The following XPO4 variants were observed in gnomAD, a reference collection of about 807,000 sequenced individuals.
XPO4 encodes the protein exportin 4.
Under a neutral mutation model 143.0 loss-of-function variants are expected in XPO4, and 39 were observed. The ratio of observed to expected loss-of-function variants is 0.27; its 90% CI spans 0.21 to 0.36. The LOEUF (loss-of-function observed/expected upper bound fraction) is 0.36, where lower values mean the gene tolerates loss of function less well. Ranked by LOEUF, XPO4 falls within the 10% of genes least tolerant of loss-of-function variation. XPO4 has a pLI of 1.00. For synonymous variants in XPO4, 439 were observed against 474.0 expected, an observed-to-expected ratio of 0.93 and a Z score of 0.96; for missense variants, 907 against 1,348.0, an observed-to-expected ratio of 0.67 and a Z score of 5.12.
At chr13:20,793,574 AAC>A (rs1379326191) in intron 18 of XPO4, among the ~76,000 whole-genome samples, 1 of 151,566 alleles carries the variant, frequency 6.6e-6, no homozygotes, top group African/African-American at 2.4e-5. Context: ...GATTGATTGA[AAC>A]AGAGTCTGGC....
intron 5 of XPO4, 38 bp downstream of exon 5, chr13:20,843,732 A>C (rs754269067): frequency 7.2e-6 from 10 of 1,396,474 alleles, no homozygotes; most frequent in Non-Finnish European, 9.1e-6. Flanking sequence ...AAAGTGAATG[A>C]TCCAATAATT....
chr13:20,842,464 GAAC>G (rs2059986152), intron 6 of XPO4, among the ~76,000 whole-genome samples: 1 of 151,978 alleles, frequency 6.6e-6, no homozygotes, highest in Non-Finnish European at 1.5e-5. Context: ...ACCTATACTT[GAAC>G]AACATCACCA....
intron 15 of XPO4, among the ~76,000 whole-genome samples, chr13:20,799,737 GAAC>G (rs1201931861): frequency 6.6e-6 from 1 of 152,112 alleles, no homozygotes; most frequent in Non-Finnish European, 1.5e-5. Context: ...TATACAGTAA[GAAC>G]AACGAAAACA....
chr13:20,873,911 C>T (rs993669264), intron 1 of XPO4, among the ~76,000 whole-genome samples: 1 of 152,172 alleles, frequency 6.6e-6, no homozygotes, highest in Non-Finnish European at 1.5e-5. Context: ...AGGCAGAAGG[C>T]TAAATACTTT....
chr13:20,786,859 G>A, intron 22 of XPO4, 106 bp downstream of exon 22: 1 of 784,444 alleles, frequency 1.3e-6, no homozygotes, highest in Non-Finnish European at 1.9e-6. Context: ...CTGAAGCACT[G>A]AGTCACAGAT....
intron 12 of XPO4, 50 bp from the exon 13 acceptor site, chr13:20,807,684 T>C: frequency 7.2e-7 from 1 of 1,391,606 alleles, no homozygotes; most frequent in Non-Finnish European, 9.7e-7. Flanking sequence ...TCTACATTTA[T>C]CAAATTGTAC....
intron 3 of XPO4, among the ~76,000 whole-genome samples, chr13:20,857,200 T>C (rs573298758): frequency 3.3e-5 from 5 of 152,356 alleles, no homozygotes; most frequent in East Asian, 3.9e-4. Context: ...AATAGTTTCA[T>C]AGGCACTGAC....
intron 4 of XPO4, chr13:20,850,296 T>C: frequency 2.1e-6 from 2 of 974,176 alleles, no homozygotes; most frequent in Non-Finnish European, 2.4e-6. Context: ...GAAGTGAATA[T>C]TATCACATTT....
At chr13:20,829,972 T>C (rs1241504738) in intron 6 of XPO4, among the ~76,000 whole-genome samples, 1 of 152,208 alleles carries the variant, frequency 6.6e-6, no homozygotes, top group African/African-American at 2.4e-5. Context: ...TATCAATTAT[T>C]TACATTAAGG....
chr13:20,873,642 T>TC (rs1175529373), intron 1 of XPO4, among the ~76,000 whole-genome samples: 2 of 152,112 alleles, frequency 1.3e-5, no homozygotes, highest in African/African-American at 4.8e-5. Context: ...ACAGCACCTT[T>TC]CTTTTTTTGA....
At chr13:20,832,613 G>A (rs1023715614) in intron 6 of XPO4, among the ~76,000 whole-genome samples, 9 of 152,070 alleles carry the variant, frequency 5.9e-5, no homozygotes, top group African/African-American at 1.7e-4. Flanking sequence ...CAAAGTTTCA[G>A]GAGCTACAGC....
chr13:20,810,048 T>C, intron 9 of XPO4, 81 bp from the exon 10 acceptor site: 1 of 1,183,764 alleles, frequency 8.4e-7, no homozygotes, highest in Non-Finnish European at 1.1e-6. Flanking sequence ...TACATACAAA[T>C]AGTTTAAATT....
chr13:20,783,747 A>G lies in XPO4; in HGVS notation c.3431T>C (p.Val1144Ala). The part of the protein sequence containing the change: ...LKSLEEFMAN[V>A]GGLLCVK ...TTATTTTACACAAAGGAGACCACCA[A>G]CATTTGCCATAAATTCTTCTAAACT... Residue 1144 changes from valine to alanine, a missense_variant, in exon 23 of 23, where the codon GTT becomes GCT. Coordinates refer to ENST00000255305, the MANE Select transcript of XPO4 (RefSeq NM_022459.5). 1.2e-6 allele frequency: 2 copies of G among 1,614,212 alleles called. No homozygotes were observed. The highest frequency in any genetic ancestry group is 2.2e-5 in the South Asian group (2 of 91,090).
Position 20,779,251 on chromosome 13 carries a change from A to G in XPO4, c.*4471T>C, listed in dbSNP as rs1038693990. 6.6e-6 allele frequency: 1 copy of G among 152,662 alleles called. No individual in the cohort carries two copies. 9.5% of individuals were successfully genotyped at this position (152,662 alleles called of 1,614,324 possible). On this transcript the variant is annotated 3_prime_UTR_variant, in exon 23 of 23. Coordinates refer to ENST00000255305, the MANE Select transcript of XPO4 (RefSeq NM_022459.5). ...CACTGCATAGAGCTTCTTTCTTTGT[A>G]CAGATAATCAAATCACAATACCAAC...
At chr13:20,880,555 A>G (rs1445071992) in intron 1 of XPO4, among the ~76,000 whole-genome samples, 1 of 152,252 alleles carries the variant, frequency 6.6e-6, no homozygotes, top group Non-Finnish European at 1.5e-5. Context: ...TATATATCCA[A>G]AAGAACTGAA....
chr13:20,855,259 G>A (rs941778471), intron 4 of XPO4, among the ~76,000 whole-genome samples: 7 of 151,942 alleles, frequency 4.6e-5, no homozygotes, highest in Admixed American at 3.3e-4. Context: ...AGTTTGAGAC[G>A]AGCCTGACCA....
chr13:20,837,858 C>A (rs1446956598), intron 6 of XPO4, among the ~76,000 whole-genome samples: 1 of 152,184 alleles, frequency 6.6e-6, no homozygotes, highest in Non-Finnish European at 1.5e-5. Context: ...ATGGAGGAAA[C>A]TGCCCCCATG....
In XPO4 at chr13:20,868,652, A is replaced by G. The variant is rs746130108; in HGVS notation, c.119T>C (p.Ile40Thr). The change falls in exon 2 of 23, where the codon ATA (isoleucine) becomes ACA (threonine). Residue 40 changes from isoleucine (I) to threonine (T), a missense_variant. Coordinates refer to ENST00000255305, the MANE Select transcript of XPO4 (RefSeq NM_022459.5). ...NNEQRQHAEH[I>T]FLSFRKSKSP... ...TTTTGATTTCCTAAATGATAAGAATATGTGCTCTGCATGCTGGCGTTGTTC... is the reference window on the plus strand; with the variant it reads ...TTTTGATTTCCTAAATGATAAGAATGTGTGCTCTGCATGCTGGCGTTGTTC... 7 of 1,613,264 alleles carry G rather than the reference A, an allele frequency of 4.3e-6. No homozygotes were observed. Among genetic ancestry groups the G allele is most frequent in the Non-Finnish European group, 5.9e-6 (7 of 1,179,568 alleles).
intron 3 of XPO4, among the ~76,000 whole-genome samples, chr13:20,860,989 TAA>T (rs1284072281): frequency 6.6e-6 from 1 of 152,124 alleles, no homozygotes; most frequent in Non-Finnish European, 1.5e-5. Context: ...TCAGTATTAT[TAA>T]ATATTATTAA....
Sources: allele counts gnomAD v4.1 joint callset (sites outside exome capture counted in the v4.1 genomes callset), GRCh38; gene constraint gnomAD v4.1.1; transcripts MANE v1.5; gene names NCBI Gene and HGNC (gene_info 2026-07-23, HGNC 2026-07-21).